The following EPS8 variants were observed in gnomAD, a reference collection of about 807,000 sequenced individuals.
EPS8 encodes the protein epidermal growth factor receptor kinase substrate 8.
Under a neutral mutation model 103.8 loss-of-function variants are expected in EPS8, and 42 were observed. The ratio of observed to expected loss-of-function variants is 0.40; its 90% CI spans 0.32 to 0.52. The LOEUF is 0.52. EPS8 is among the 20% of genes least tolerant of loss of function. The probability of loss-of-function intolerance (pLI) is 0.40; values close to 1 mark genes in which losing one functional copy is unlikely to be tolerated. For missense variants in EPS8, 969 were observed against 1,005.1 expected (o/e 0.96, Z 0.49); for synonymous variants, 344 against 344.6 (o/e 1.00, Z 0.02).
At chr12:15,646,170 A>G (rs1297952081) in intron 15 of EPS8, among the ~76,000 whole-genome samples, 1 of 151,936 alleles carries the variant, frequency 6.6e-6, no homozygotes, top group Non-Finnish European at 1.5e-5. Context: ...TTTGTACTCA[A>G]TTTAATGTCA....
At position 15,735,043 on chromosome 12, in the gene EPS8, C is replaced by A. The variant is rs548520985; in HGVS notation, c.-21-52071G>T. On this transcript the variant is annotated intron_variant, in intron 1 of 20. Transcript: ENST00000281172. This position sits in a 1 kb window ranked among gnomAD's most constrained non-coding sequence, Gnocchi z 4.4. ...CCGAATGCCTAGCCTGGAACCCTCA[C>A]CACGACTTCACACTAACAGCATTTC... is the stretch of plus-strand genomic sequence containing the variant. Among the ~76,000 whole-genome samples, 1 of 152,302 alleles carries A rather than the reference C, an allele frequency of 6.6e-6. No individual in the cohort carries two copies. Among genetic ancestry groups the A allele is most frequent in the South Asian group, 2.1e-4 (1 of 4,824 alleles).
chr12:15,677,752 T>G (rs184603973), intron 3 of EPS8, among the ~76,000 whole-genome samples: 36 of 152,316 alleles, frequency 2.4e-4, no homozygotes, highest in Admixed American at 2.0e-3. Context: ...TTCTTCTTTG[T>G]GTCTAATACC....
rs1405989595 is a variant in EPS8 at position 15,704,621 on chromosome 12, C to T, written c.-21-21649G>A. 6.6e-6 allele frequency among the ~76,000 whole-genome samples: 1 copy of T among 152,104 alleles called. No homozygotes were observed. Among genetic ancestry groups the T allele is most frequent in the Non-Finnish European group, 1.5e-5 (1 of 68,018 alleles). Reference sequence around the variant, plus strand: ...TGTTTTGGGGCACAGAGATTCCATTCAGGAAGATGAAAAACTCCTAGAGAT... The same window carrying T: ...TGTTTTGGGGCACAGAGATTCCATTTAGGAAGATGAAAAACTCCTAGAGAT... On this transcript the variant is annotated intron_variant, in intron 1 of 20. Transcript: ENST00000281172. This position sits in a 1 kb window ranked among gnomAD's most constrained non-coding sequence, Gnocchi z 4.6.
rs558782644 is a variant in EPS8 at position 15,679,739 on chromosome 12, T to C, written c.136+1487A>G. The stretch of plus-strand genomic sequence containing the variant: ...TATAACAATGTGTTTACTAGTCTAT[T>C]GCACCAAAATGGCACATAGGCAACA... On this transcript the variant is annotated intron_variant, in intron 3 of 20. Transcript: ENST00000281172. Among the ~76,000 whole-genome samples the C allele has an allele frequency of 3.3e-5, 5 of 152,328 alleles. No individual in the cohort carries two copies. The East Asian group carries it at 7.7e-4, about 24-fold the overall frequency.
At chr12:15,653,283 A>G (rs764272351) in intron 13 of EPS8, among the ~76,000 whole-genome samples, 7 of 152,178 alleles carry the variant, frequency 4.6e-5, no homozygotes, top group Non-Finnish European at 7.3e-5. Flanking sequence ...TAAAACATAG[A>G]TGTAATTATG....
At chr12:15,629,991 T>C (rs1214263332) in intron 18 of EPS8, among the ~76,000 whole-genome samples, 1 of 152,178 alleles carries the variant, frequency 6.6e-6, no homozygotes, top group Non-Finnish European at 1.5e-5. Flanking sequence ...CATACTGGTA[T>C]CTGGATGTCA....
At chr12:15,708,848 A>G (rs1381752217) in intron 1 of EPS8, among the ~76,000 whole-genome samples, 1 of 152,142 alleles carries the variant, frequency 6.6e-6, no homozygotes, top group Non-Finnish European at 1.5e-5. Flanking sequence ...TTTCTCTTCA[A>G]TTTCCTATCA....
chr12:15,651,028 T>A (rs1366705752), intron 13 of EPS8, 22 bp from the exon 14 acceptor site: 1 of 1,595,646 alleles, frequency 6.3e-7, no homozygotes, highest in Non-Finnish European at 8.6e-7. Flanking sequence ...AATGAAGGCA[T>A]ATAAACAATA....
rs1209319248 is a variant in EPS8, at chr12:15,760,650, C to T, written c.-22+28511G>A. The stretch of plus-strand genomic sequence containing the variant: ...CAATACAAGAATGGTTCAACATAAA[C>T]AAATCCATCAATGTGACACATCCCA... On this transcript the variant is annotated intron_variant, in intron 1 of 20. Coordinates refer to ENST00000281172, the MANE Select transcript of EPS8 (RefSeq NM_004447.6). The surrounding 1 kb of genome is among the most constrained non-coding windows in gnomAD (Gnocchi z 4.5). Among the ~76,000 whole-genome samples, 1 of 152,020 alleles carries T rather than the reference C, an allele frequency of 6.6e-6. No homozygotes were observed. The highest frequency in any genetic ancestry group is 1.5e-5 in the Non-Finnish European group (1 of 67,920).
intron 18 of EPS8, among the ~76,000 whole-genome samples, chr12:15,626,264 C>A (rs1944943354): frequency 1.3e-5 from 2 of 152,278 alleles, no homozygotes; most frequent in East Asian, 3.9e-4. Flanking sequence ...ATTAACAGAT[C>A]TCTCTGCTTC....
chr12:15,628,502 A>AT (rs952182758), intron 18 of EPS8, among the ~76,000 whole-genome samples: 1 of 152,216 alleles, frequency 6.6e-6, no homozygotes, highest in African/African-American at 2.4e-5. Context: ...AAGGACTACC[A>AT]TTTCAAAGGA....
chr12:15,720,938 C>T (rs1946588431), intron 1 of EPS8, among the ~76,000 whole-genome samples: 1 of 152,200 alleles, frequency 6.6e-6, no homozygotes, highest in Non-Finnish European at 1.5e-5. Context: ...ACCTAACCCA[C>T]CCTCTTGCAT....
chr12:15,763,833 T>C (rs1947066128), intron 1 of EPS8, among the ~76,000 whole-genome samples: 1 of 152,198 alleles, frequency 6.6e-6, no homozygotes, highest in Non-Finnish European at 1.5e-5. Flanking sequence ...CCAATGCCTC[T>C]ACCCCTATTT....
rs1247794786 is a variant in EPS8 at position 15,734,727 on chromosome 12, CAAACAAAAAA to C, written c.-21-51765_-21-51756del. Among the ~76,000 whole-genome samples, 3 of 151,760 alleles carry C rather than the reference CAAACAAAAAA, an allele frequency of 2.0e-5. No homozygotes were observed. Among genetic ancestry groups the C allele is most frequent in the Admixed American group, 6.6e-5 (1 of 15,240 alleles). On this transcript the variant is annotated intron_variant, in intron 1 of 20. Transcript: ENST00000281172. The surrounding 1 kb of genome is among the most constrained non-coding windows in gnomAD (Gnocchi z 4.1). ...CTCTGTCTCAAAAACAAAAAACAAA[CAAACAAAAAA>C]AAACAAAAAAGATTCTCTGCACGTA...
rs538699829 is a variant in EPS8, at chr12:15,623,466, A to G, written c.2226-179T>C. Among the ~76,000 whole-genome samples the G allele has an allele frequency of 5.3e-5, 8 of 152,294 alleles. No individual in the cohort carries two copies. In the South Asian group the frequency reaches 1.5e-3, roughly 28 times the overall value. ...GCAATGACAAGTTTCTTTCATGATG[A>G]TGACCCTGAGGCTATACAGATTATT... On this transcript the variant is annotated intron_variant, in intron 19 of 20. Coordinates refer to ENST00000281172, the MANE Select transcript of EPS8 (RefSeq NM_004447.6).
At position 15,714,266 on chromosome 12, in the gene EPS8, T is replaced by C. The variant is rs563071350; in HGVS notation, c.-21-31294A>G. Among the ~76,000 whole-genome samples, 1 of 151,908 alleles carries C rather than the reference T, an allele frequency of 6.6e-6. No homozygotes were observed. Among genetic ancestry groups the C allele is most frequent in the Admixed American group, 6.6e-5 (1 of 15,264 alleles). ...AAGTATATTTAAATTATTAAAGAAA[T>C]GGAGAGAGAAAAAAGAGCCTATAAA... is the stretch of plus-strand genomic sequence containing the variant. On this transcript the variant is annotated intron_variant, in intron 1 of 20. Coordinates refer to ENST00000281172, the MANE Select transcript of EPS8 (RefSeq NM_004447.6). This position sits in a 1 kb window ranked among gnomAD's most constrained non-coding sequence, Gnocchi z 4.1.
chr12:15,770,677 G>A (rs1947145029), intron 1 of EPS8, among the ~76,000 whole-genome samples: 1 of 152,156 alleles, frequency 6.6e-6, no homozygotes, highest in Non-Finnish European at 1.5e-5. Context: ...ACATTTAAAA[G>A]AATGGGAACC....
rs1945469516 is a variant in EPS8 at position 15,654,282 on chromosome 12, T to G, written c.1113A>C (p.Ala371=). ...AACTGGCTAGTTCAGGACCTCCTGT[T>G]GCCTGCACCACCTAAGATAATAAAC... ...LFTPLNMVVQ[A]TGGPELASSV... The change falls in exon 13 of 21, where the codon GCA becomes GCC. Residue 371 remains alanine (A), a synonymous_variant. Coordinates refer to ENST00000281172, the MANE Select transcript of EPS8 (RefSeq NM_004447.6). 2 of 1,613,242 alleles carry G rather than the reference T, an allele frequency of 1.2e-6. No individual in the cohort carries two copies. The highest frequency in any genetic ancestry group is 1.7e-6 in the Non-Finnish European group (2 of 1,179,634).
chr12:15,648,326 T>C (rs1328696924), intron 14 of EPS8, among the ~76,000 whole-genome samples: 2 of 152,218 alleles, frequency 1.3e-5, no homozygotes, highest in Non-Finnish European at 2.9e-5. Flanking sequence ...CTGTTTTCAT[T>C]ATGGATTTTG....
Sources: allele counts gnomAD v4.1 joint callset (sites outside exome capture counted in the v4.1 genomes callset), GRCh38; gene constraint gnomAD v4.1.1; non-coding constraint Gnocchi (gnomAD v3.1); transcripts MANE v1.5; gene names NCBI Gene and HGNC (gene_info 2026-07-23, HGNC 2026-07-21).